ZFYVE26: variants seen among roughly 807,000 people sequenced by gnomAD.
The protein encoded by ZFYVE26 is zinc finger FYVE-type containing 26, also known as zinc finger FYVE domain-containing protein 26.
A neutral mutation model predicts 276.5 loss-of-function variants in ZFYVE26; 181 were observed. That is an observed-to-expected ratio of 0.65 (90% CI 0.58 to 0.74). ZFYVE26 has a LOEUF of 0.74. Among genes scored for constraint, ZFYVE26 ranks in the 30% least tolerant of loss-of-function variants. The probability of loss-of-function intolerance (pLI) is 0.00; values close to 1 mark genes in which losing one functional copy is unlikely to be tolerated. For missense variants in ZFYVE26, 2,821 were observed against 3,097.9 expected, an observed-to-expected ratio of 0.91 and a Z score of 2.12; for synonymous variants, 1,129 against 1,203.1, an observed-to-expected ratio of 0.94 and a Z score of 1.27.
At chr14:67,808,371 C>G (rs931404502) in intron 4 of ZFYVE26, among the ~76,000 whole-genome samples, 1 of 152,174 alleles carries the variant, frequency 6.6e-6, no homozygotes, top group African/African-American at 2.4e-5. Context: ...CCCAGCCATG[C>G]TTTCAGTCCA....
At chr14:67,799,174 T>G in intron 10 of ZFYVE26, 1 of 1,587,486 alleles carries the variant, frequency 6.3e-7, no homozygotes, top group Admixed American at 1.7e-5. Context: ...TTCAAGCTTT[T>G]GAAAAGACAT....
intron 20 of ZFYVE26, 137 bp downstream of exon 20, chr14:67,784,197 T>C: frequency 3.9e-6 from 3 of 778,540 alleles, no homozygotes; most frequent in South Asian, 1.4e-5. Context: ...TTTTCAGTTA[T>C]ATAAGAATAA....
At position 67,771,929 on chromosome 14, in the gene ZFYVE26, A is replaced by G. The variant is rs187304614; in HGVS notation, c.5484+118T>C. Reference sequence around the variant, plus strand: ...ATGAACCCAAAGTCTTAGATTTGGCAGTTCTGAAAATACCGATATTCTCCT... The same window carrying G: ...ATGAACCCAAAGTCTTAGATTTGGCGGTTCTGAAAATACCGATATTCTCCT... On this transcript the variant is annotated intron_variant, in intron 28 of 41. Transcript: ENST00000347230. 1.2e-5 allele frequency: 16 copies of G among 1,357,202 alleles called. No homozygotes were observed. In the Admixed American group the frequency reaches 1.6e-4, roughly 13 times the overall value. The allele number at this position is 1,357,202 out of a possible 1,614,324, so 84.1% of individuals were successfully genotyped here.
At chr14:67,735,427 C>G in intron 13 of ZFYVE26, 1 of 634,020 alleles carries the variant, frequency 1.6e-6, no homozygotes, top group South Asian at 1.8e-5. Context: ...AACATCTGAG[C>G]AAGTGAAAGG....
intron 13 of ZFYVE26, among the ~76,000 whole-genome samples, chr14:67,738,383 A>G (rs945279283): frequency 2.0e-5 from 3 of 148,454 alleles, no homozygotes; most frequent in African/African-American, 7.3e-5. Context: ...ATATACTTAT[A>G]AAATATATAC....
chr14:67,751,441 T>C, intron 40 of ZFYVE26: 1 of 406,478 alleles, frequency 2.5e-6, no homozygotes, highest in Non-Finnish European at 4.7e-6. Flanking sequence ...ACTAAGTATG[T>C]ATCAGCGTAA....
chr14:67,729,537 A>G, exon 14 of ZFYVE26: 1 of 726,392 alleles, frequency 1.4e-6, no homozygotes, highest in Non-Finnish European at 2.4e-6. Context: ...TGTTAAGGAA[A>G]CTTACAGTAC....
chr14:67,776,004 A>G lies in ZFYVE26; in HGVS notation c.5077T>C (p.Trp1693Arg). The part of the protein sequence containing the change: ...EQLLMNMKVD[W>R]ATVAVQTLQQ... ...AGAGTCTGCACAGCCACAGTGGCCC[A>G]ATCCACCTTCATGTTCATAAGCAGC... Residue 1693 changes from tryptophan (W) to arginine (R), a missense_variant, in exon 26 of 42, where the codon TGG becomes CGG. Physicochemically the swap from Trp to Arg is moderately radical, Grantham distance 101. Transcript: ENST00000347230. The G allele has an allele frequency of 6.2e-7, 1 of 1,614,234 alleles. No individual in the cohort carries two copies. Among genetic ancestry groups the G allele is most frequent in the Non-Finnish European group, 8.5e-7 (1 of 1,180,042 alleles).
chr14:67,775,854 A>T lies in ZFYVE26; in HGVS notation c.5221+6T>A. 1 of 1,614,196 alleles carries T rather than the reference A, an allele frequency of 6.2e-7. No individual in the cohort carries two copies. Among genetic ancestry groups the T allele is most frequent in the Non-Finnish European group, 8.5e-7 (1 of 1,180,026 alleles). The stretch of plus-strand genomic sequence containing the variant: ...TAGAATCCCCTTCTAGGATGCTAGC[A>T]GTTACCTGATCGTTTCTCCCTCTGA... On this transcript the variant is annotated splice_donor_region_variant and intron_variant, in intron 26 of 41. Coordinates refer to ENST00000347230, the MANE Select transcript of ZFYVE26 (RefSeq NM_015346.4).
downstream of ZFYVE26, among the ~76,000 whole-genome samples, chr14:67,744,526 C>T (rs941236789): frequency 1.4e-4 from 22 of 152,278 alleles, no homozygotes; most frequent in African/African-American, 5.3e-4. Context: ...GTTTTAAGCC[C>T]TGCACGCATT....
exon 14 of ZFYVE26, chr14:67,729,622 G>C (rs2140151646): frequency 1.6e-6 from 1 of 623,996 alleles, no homozygotes; most frequent in Middle Eastern, 2.7e-4. Context: ...TGAAAACTTT[G>C]CAGCTTTCTG....
rs10580613 is a variant in ZFYVE26, at chr14:67,809,408, C to CTTTTTTTTTT, written c.274-129_274-120dup. 3.0e-4 allele frequency: 65 copies of CTTTTTTTTTT among 213,482 alleles called. 3 individuals carry two copies. Among genetic ancestry groups the CTTTTTTTTTT allele is most frequent in the African/African-American group, 1.9e-3 (52 of 27,550 alleles). The allele number at this position is 213,482 out of a possible 1,614,324, so 13.2% of individuals were successfully genotyped here. A position where few individuals can be genotyped will look rare whatever the true frequency, so the allele number is the denominator to read the frequency against. On this transcript the variant is annotated intron_variant, in intron 3 of 41. Transcript: ENST00000347230. Reference sequence around the variant, plus strand: ...TGCTATTTCTCTAAGATGAAGCACTCTTTTTTTTTTTTTTTTTTTTTTTTT... The same window carrying CTTTTTTTTTT: ...TGCTATTTCTCTAAGATGAAGCACTCTTTTTTTTTTTTTTTTTTTTTTTTTTTTTTTTTTT...
At position 67,748,254 on chromosome 14, in the gene ZFYVE26, T is replaced by G. The variant is rs550304997; in HGVS notation, c.*182A>C. On this transcript the variant is annotated 3_prime_UTR_variant, in exon 42 of 42. Transcript: ENST00000347230. Reference sequence around the variant, plus strand: ...TAGATTCCACAATTTTAGAGAAACATGGCACTTGCGTGAAAGGTCCTATCC... The same window carrying G: ...TAGATTCCACAATTTTAGAGAAACAGGGCACTTGCGTGAAAGGTCCTATCC... 9 of 647,852 alleles carry G rather than the reference T, an allele frequency of 1.4e-5. No homozygotes were observed. The highest frequency in any genetic ancestry group is 2.4e-5 in the Non-Finnish European group (9 of 380,316). The allele number at this position is 647,852 out of a possible 1,614,324, so 40.1% of individuals were successfully genotyped here.
At position 67,798,562 on chromosome 14, in the gene ZFYVE26, G is replaced by A; in HGVS notation, c.1700C>T (p.Pro567Leu). The A allele has an allele frequency of 1.2e-6, 2 of 1,614,138 alleles. No individual in the cohort carries two copies. The highest frequency in any genetic ancestry group is 4.5e-5 in the East Asian group (2 of 44,886). Reference sequence around the variant, plus strand: ...CAGAAGCTCCAGGCACAGAGAGTCAGGAATACTGCACAGATACTGTTGACA... The same window carrying A: ...CAGAAGCTCCAGGCACAGAGAGTCAAGAATACTGCACAGATACTGTTGACA... ...ARCQQYLCSI[P>L]DSLCLELLEN... Residue 567 changes from proline (P) to leucine (L), a missense_variant, in exon 11 of 42, where the codon CCT becomes CTT. Coordinates refer to ENST00000347230, the MANE Select transcript of ZFYVE26 (RefSeq NM_015346.4).
At chr14:67,775,432 A>G (rs1379569601) in intron 26 of ZFYVE26, among the ~76,000 whole-genome samples, 2 of 152,230 alleles carry the variant, frequency 1.3e-5, no homozygotes, top group African/African-American at 4.8e-5. Flanking sequence ...AAGAAAAAAG[A>G]GCTGGCTGGG....
intron 32 of ZFYVE26, 91 bp downstream of exon 32, chr14:67,766,136 T>C: frequency 8.3e-7 from 1 of 1,200,212 alleles, no homozygotes. Flanking sequence ...TCAGAGAGGA[T>C]GGTGAGATAA....
chr14:67,760,782 T>G (rs935395139), intron 35 of ZFYVE26: 2 of 174,270 alleles, frequency 1.1e-5, no homozygotes, highest in Non-Finnish European at 2.5e-5. Flanking sequence ...TGATTGCTTA[T>G]TAAGAGCTCC....
intron 32 of ZFYVE26, among the ~76,000 whole-genome samples, chr14:67,765,169 A>G (rs898549265): frequency 6.6e-6 from 1 of 152,196 alleles, no homozygotes; most frequent in African/African-American, 2.4e-5. Flanking sequence ...ACCTCTTGAT[A>G]TAAAGGAATC....
At chr14:67,742,813 C>CTT (rs2038429653), downstream of ZFYVE26, among the ~76,000 whole-genome samples, 43 of 138,484 alleles carry the variant, frequency 3.1e-4, no homozygotes, top group African/African-American at 1.2e-3. Flanking sequence ...TCCCTTCCTT[C>CTT]CTTCCTTTCT....
Sources: gnomAD v4.1 joint callset for allele counts (sites outside exome capture counted in the v4.1 genomes callset) on GRCh38, gnomAD v4.1.1 for gene constraint, MANE v1.5 for transcripts, NCBI Gene and HGNC (gene_info 2026-07-23, HGNC 2026-07-21) for gene names.